NHSL1: variants seen among roughly 807,000 people sequenced by gnomAD.
The protein encoded by NHSL1 is NHS like 1.
NHSL1 carries 48 observed loss-of-function variants against 95.0 expected under a neutral mutation model. That is an observed-to-expected ratio of 0.51 (90% CI 0.40 to 0.64). NHSL1 has a LOEUF of 0.64. Ranked by LOEUF, NHSL1 falls within the 30% of genes least tolerant of loss-of-function variation. The pLI, the probability that NHSL1 is intolerant of heterozygous loss-of-function variation, is 0.00. For synonymous variants in NHSL1, 783 were observed against 833.9 expected, an observed-to-expected ratio of 0.94 and a Z score of 1.05; for missense variants, 1,971 against 2,077.7, an observed-to-expected ratio of 0.95 and a Z score of 1.00.
intron 1 of NHSL1, among the ~76,000 whole-genome samples, chr6:138,644,313 C>A (rs1393071838): frequency 1.3e-5 from 2 of 151,998 alleles, no homozygotes; most frequent in Non-Finnish European, 2.9e-5. Flanking sequence ...CCAGTCTGAC[C>A]AACATGGTGA....
At chr6:138,522,245 A>T (rs1177623051) in intron 1 of NHSL1, among the ~76,000 whole-genome samples, 2 of 152,252 alleles carry the variant, frequency 1.3e-5, no homozygotes, top group South Asian at 4.1e-4. Flanking sequence ...AGGACATGTG[A>T]AGTCAAGAAA....
At chr6:138,478,381 C>G (rs1779219658) in intron 2 of NHSL1, among the ~76,000 whole-genome samples, 1 of 151,876 alleles carries the variant, frequency 6.6e-6, no homozygotes, top group South Asian at 2.1e-4. Flanking sequence ...TGGCAGCTGA[C>G]CAATTTTTTT....
intron 1 of NHSL1, among the ~76,000 whole-genome samples, chr6:138,578,185 T>C (rs1783999450): frequency 6.6e-6 from 1 of 152,234 alleles, no homozygotes. Context: ...CACAAACATT[T>C]ATGCATATGT....
chr6:138,664,523 A>G (rs1785270531), intron 1 of NHSL1, among the ~76,000 whole-genome samples: 1 of 152,246 alleles, frequency 6.6e-6, no homozygotes, highest in South Asian at 2.1e-4. Context: ...CTGTCAAAGG[A>G]CTCAAGGAAT....
At chr6:138,652,989 G>A (rs760758945) in intron 1 of NHSL1, among the ~76,000 whole-genome samples, 3 of 152,198 alleles carry the variant, frequency 2.0e-5, no homozygotes, top group Admixed American at 6.5e-5. Flanking sequence ...ATAATCAGTT[G>A]CACTTGTGCC....
At chr6:138,545,157 A>G (rs1264958361) in intron 1 of NHSL1, among the ~76,000 whole-genome samples, 1 of 151,958 alleles carries the variant, frequency 6.6e-6, no homozygotes. Flanking sequence ...CGCCCAGCCT[A>G]GAAGTATGTT....
intron 2 of NHSL1, among the ~76,000 whole-genome samples, chr6:138,485,100 G>GT (rs1413630814): frequency 1.3e-5 from 2 of 152,146 alleles, no homozygotes; most frequent in African/African-American, 2.4e-5. Flanking sequence ...TTAAAAAGCC[G>GT]TATCATTGGC....
At chr6:138,464,106 C>A in intron 3 of NHSL1, 1 of 504,972 alleles carries the variant, frequency 2.0e-6, no homozygotes, top group South Asian at 2.5e-5. Context: ...GTCAGGTGTT[C>A]AGCTATCCTC....
intron 2 of NHSL1, among the ~76,000 whole-genome samples, chr6:138,480,159 G>A (rs1393896893): frequency 1.3e-5 from 2 of 152,198 alleles, no homozygotes; most frequent in Non-Finnish European, 2.9e-5. Flanking sequence ...ATCAGAAGGG[G>A]ATTGGTTCCA....
chr6:138,682,132 C>T (rs1785520847), intron 1 of NHSL1, among the ~76,000 whole-genome samples: 1 of 151,994 alleles, frequency 6.6e-6, no homozygotes, highest in Non-Finnish European at 1.5e-5. Context: ...TGCTACCAAG[C>T]CTAGTTAATT....
In NHSL1 at chr6:138,473,434, C is replaced by A; in HGVS notation, c.212-1G>T. ...CCATCATGCCGCAACTTATCGCATTCTGCAGAGGGGCACGCAGGGAGGGGA... is the reference window on the plus strand; with the variant it reads ...CCATCATGCCGCAACTTATCGCATTATGCAGAGGGGCACGCAGGGAGGGGA... On this transcript the variant is annotated splice_acceptor_variant, in intron 2 of 7. Transcript: ENST00000343505. LOFTEE classifies it high-confidence loss of function. The A allele has an allele frequency of 6.8e-7, 1 of 1,462,946 alleles. No individual in the cohort carries two copies. The highest frequency in any genetic ancestry group is 9.1e-7 in the Non-Finnish European group (1 of 1,100,672). 90.6% of individuals were successfully genotyped at this position (1,462,946 alleles called of 1,614,324 possible).
chr6:138,642,083 C>CA (rs35110053), intron 1 of NHSL1, among the ~76,000 whole-genome samples: 10 of 151,360 alleles, frequency 6.6e-5, no homozygotes, highest in East Asian at 1.9e-4. Context: ...CAAATTCATG[C>CA]AAAAAAAATC....
At chr6:138,558,476 T>C (rs565252836) in intron 1 of NHSL1, among the ~76,000 whole-genome samples, 13 of 141,446 alleles carry the variant, frequency 9.2e-5, no homozygotes, top group Admixed American at 8.3e-4. Context: ...CAGGCTGGAG[T>C]GCAGTGGCAC....
At chr6:138,657,727 A>G (rs1209676095) in intron 1 of NHSL1, among the ~76,000 whole-genome samples, 2 of 145,838 alleles carry the variant, frequency 1.4e-5, no homozygotes, top group Non-Finnish European at 3.0e-5. Flanking sequence ...AGGCAGGAGA[A>G]TGGTGTGAAC....
At chr6:138,659,978 C>A (rs1333184815) in intron 1 of NHSL1, among the ~76,000 whole-genome samples, 1 of 152,140 alleles carries the variant, frequency 6.6e-6, no homozygotes, top group African/African-American at 2.4e-5. Flanking sequence ...GGCCTCCCAA[C>A]ATACTGGGAT....
intron 1 of NHSL1, among the ~76,000 whole-genome samples, chr6:138,506,589 C>T (rs1780973394): frequency 6.6e-6 from 1 of 152,060 alleles, no homozygotes; most frequent in Non-Finnish European, 1.5e-5. Flanking sequence ...AAATATAATT[C>T]ATTGTTTCTC....
chr6:138,580,612 C>G (rs888988386), intron 1 of NHSL1, among the ~76,000 whole-genome samples: 1 of 152,170 alleles, frequency 6.6e-6, no homozygotes, highest in Non-Finnish European at 1.5e-5. Context: ...AACCAGCCTG[C>G]TAAAATCTTG....
intron 1 of NHSL1, among the ~76,000 whole-genome samples, chr6:138,660,955 G>A (rs1403014234): frequency 6.6e-6 from 1 of 152,158 alleles, no homozygotes. Flanking sequence ...AGCTGGGCGT[G>A]GTGGCGCACG....
At chr6:138,586,326 C>G (rs1198689034) in intron 1 of NHSL1, among the ~76,000 whole-genome samples, 2 of 152,134 alleles carry the variant, frequency 1.3e-5, no homozygotes, top group Non-Finnish European at 2.9e-5. Flanking sequence ...AACTCCTGAT[C>G]TCAAGTGATC....
Sources: gnomAD v4.1 joint callset for allele counts (sites outside exome capture counted in the v4.1 genomes callset) on GRCh38, gnomAD v4.1.1 for gene constraint, MANE v1.5 for transcripts, NCBI Gene and HGNC (gene_info 2026-07-23, HGNC 2026-07-21) for gene names.